SLC25A40: variants seen among roughly 807,000 people sequenced by gnomAD.
SLC25A40 encodes the protein mitochondrial glutathione transporter SLC25A40.
Under a neutral mutation model 46.5 loss-of-function variants are expected in SLC25A40, and 41 were observed. That is an observed-to-expected ratio of 0.88 (90% CI 0.69 to 1.14). The LOEUF (loss-of-function observed/expected upper bound fraction) is 1.14. Ranked by LOEUF, SLC25A40 falls within the 50% of genes most tolerant of loss-of-function variation. The pLI is 0.00. For missense variants in SLC25A40, 386 were observed against 393.6 expected (o/e 0.98, Z 0.16); for synonymous variants, 126 against 127.5 (o/e 0.99, Z 0.08).
chr7:87,863,051 C>T (rs910404092), intron 1 of SLC25A40, among the ~76,000 whole-genome samples: 3 of 152,342 alleles, frequency 2.0e-5, no homozygotes, highest in Non-Finnish European at 4.4e-5. Context: ...AGATGCTTAA[C>T]ATCTCTGCAT....
intron 1 of SLC25A40, among the ~76,000 whole-genome samples, chr7:87,871,530 A>G (rs557388025): frequency 2.6e-5 from 4 of 152,356 alleles, no homozygotes; most frequent in African/African-American, 7.2e-5. Flanking sequence ...TAGTTATTTT[A>G]AGATAACTAC....
At chr7:87,844,089 G>A (rs1838377713) in intron 8 of SLC25A40, 1 of 659,486 alleles carries the variant, frequency 1.5e-6, no homozygotes, top group Non-Finnish European at 1.9e-6. Flanking sequence ...AATAAAGTAG[G>A]ACTATAATTC....
chr7:87,860,784 T>C (rs775142437), intron 1 of SLC25A40, 144 bp from the exon 2 acceptor site: 1 of 152,074 alleles, frequency 6.6e-6, no homozygotes, highest in Non-Finnish European at 1.5e-5. Flanking sequence ...TTGAAGAATA[T>C]AAAGAGCACT....
chr7:87,848,180 T>C (rs1284154370), intron 6 of SLC25A40, among the ~76,000 whole-genome samples: 2 of 152,202 alleles, frequency 1.3e-5, no homozygotes, highest in African/African-American at 4.8e-5. Context: ...TAAAAAGATA[T>C]AAAGTAGGCA....
At position 87,849,863 on chromosome 7, in the gene SLC25A40, C is replaced by T; in HGVS notation, c.332+18G>A. ...AACAATCATTATTTAGTAGAAAAAA[C>T]ATTAAATTTCAACTTACAGGGTAGG... On this transcript the variant is annotated intron_variant, in intron 6 of 11. Coordinates refer to ENST00000341119, the MANE Select transcript of SLC25A40 (RefSeq NM_018843.4). The T allele has an allele frequency of 6.6e-7, 1 of 1,522,978 alleles. No homozygotes were observed. Among genetic ancestry groups the T allele is most frequent in the Non-Finnish European group, 8.9e-7 (1 of 1,120,776 alleles). The allele number at this position is 1,522,978 out of a possible 1,614,324, so 94.3% of individuals were successfully genotyped here.
Position 87,854,234 on chromosome 7 carries a change from A to G in SLC25A40, c.234T>C (p.Tyr78=), listed in dbSNP as rs1035597238. 2 of 1,612,914 alleles carry G rather than the reference A, an allele frequency of 1.2e-6. No individual in the cohort carries two copies. The highest frequency in any genetic ancestry group is 1.3e-5 in the African/African-American group (1 of 75,022). ...TTCCCTGGAAATTTCCTGGCTTCTT[A>G]TACCATAGTTTGTTGCCTCCCTCTT... ...VCEEGGNKLW[Y]KKPGNFQGTL... is the part of the protein sequence containing the mutation. The change falls in exon 5 of 12, where the codon TAT becomes TAC. Residue 78 remains tyrosine, a synonymous_variant. Transcript: ENST00000341119.
intron 5 of SLC25A40, among the ~76,000 whole-genome samples, chr7:87,853,983 A>G (rs1229504300): frequency 6.6e-6 from 1 of 152,124 alleles, no homozygotes; most frequent in Non-Finnish European, 1.5e-5. Context: ...TTCATTTTAT[A>G]TTATCTCAAA....
intron 8 of SLC25A40, among the ~76,000 whole-genome samples, chr7:87,846,408 T>G (rs1838421478): frequency 1.3e-5 from 2 of 152,228 alleles, no homozygotes; most frequent in Non-Finnish European, 2.9e-5. Flanking sequence ...AGGCACATTC[T>G]GTAAGTTACT....
intron 10 of SLC25A40, among the ~76,000 whole-genome samples, chr7:87,840,075 G>A (rs1838309145): frequency 6.6e-6 from 1 of 151,690 alleles, no homozygotes; most frequent in Non-Finnish European, 1.5e-5. Flanking sequence ...CTGGTTCATA[G>A]CTGAAGTAGG....
At chr7:87,846,816 G>T in intron 8 of SLC25A40, 133 bp downstream of exon 8, 1 of 589,192 alleles carries the variant, frequency 1.7e-6, no homozygotes, top group Non-Finnish European at 2.6e-6. Context: ...GCCCAACAAT[G>T]AAAAAGGAGT....
chr7:87,869,748 T>A (rs1303091521), intron 1 of SLC25A40, among the ~76,000 whole-genome samples: 1 of 152,226 alleles, frequency 6.6e-6, no homozygotes, highest in Non-Finnish European at 1.5e-5. Context: ...AAAATCTGGG[T>A]TGTTTCAAGT....
chr7:87,870,317 C>A (rs994884922), intron 1 of SLC25A40, among the ~76,000 whole-genome samples: 1 of 151,974 alleles, frequency 6.6e-6, no homozygotes, highest in African/African-American at 2.4e-5. Flanking sequence ...CCTATTTTTT[C>A]TGTTGTTGGC....
intron 5 of SLC25A40, among the ~76,000 whole-genome samples, chr7:87,851,461 T>TA (rs565902257): frequency 1.5e-3 from 234 of 151,872 alleles, no homozygotes; most frequent in Non-Finnish European, 2.6e-3. Context: ...GCCAAGTAGG[T>TA]AGCCTAGACT....
chr7:87,849,255 A>C (rs1049808558), intron 6 of SLC25A40, among the ~76,000 whole-genome samples: 1 of 152,170 alleles, frequency 6.6e-6, no homozygotes, highest in African/African-American at 2.4e-5. Context: ...TAACTTCAGG[A>C]GGGCCTATGT....
intron 8 of SLC25A40, among the ~76,000 whole-genome samples, chr7:87,845,360 C>T (rs1222743331): frequency 6.6e-6 from 1 of 152,114 alleles, no homozygotes; most frequent in Non-Finnish European, 1.5e-5. Flanking sequence ...AGGTGAGCGG[C>T]GGGTGAGTGA....
At chr7:87,863,057 T>C (rs1838732543) in intron 1 of SLC25A40, among the ~76,000 whole-genome samples, 1 of 152,220 alleles carries the variant, frequency 6.6e-6, no homozygotes, top group African/African-American at 2.4e-5. Flanking sequence ...TTAACATCTC[T>C]GCATATTTTT....
At chr7:87,843,134 A>G (rs919178718) in intron 9 of SLC25A40, among the ~76,000 whole-genome samples, 4 of 152,026 alleles carry the variant, frequency 2.6e-5, no homozygotes, top group Non-Finnish European at 5.9e-5. Flanking sequence ...ACAAGTTATT[A>G]CAGATTCATT....
At chr7:87,839,308 A>G (rs1838298404) in intron 10 of SLC25A40, among the ~76,000 whole-genome samples, 1 of 151,496 alleles carries the variant, frequency 6.6e-6, no homozygotes. Flanking sequence ...AATATAATAT[A>G]GAAATATTGA....
At chr7:87,846,101 TAACAC>T (rs922516688) in intron 8 of SLC25A40, among the ~76,000 whole-genome samples, 18 of 152,132 alleles carry the variant, frequency 1.2e-4, no homozygotes, top group African/African-American at 4.3e-4. Flanking sequence ...CAGTTACATA[TAACAC>T]AAGAATGACT....
Sources: allele counts gnomAD v4.1 joint callset (sites outside exome capture counted in the v4.1 genomes callset), GRCh38; gene constraint gnomAD v4.1.1; transcripts MANE v1.5; gene names NCBI Gene and HGNC (gene_info 2026-07-23, HGNC 2026-07-21).